Variants in GALM observed in about 807,000 individuals in gnomAD.
The protein encoded by GALM is galactose mutarotase, also known as aldose 1-epimerase.
A neutral mutation model predicts 37.4 loss-of-function variants in GALM; 43 were observed. The observed-to-expected ratio is 1.15, with a 90% CI of 0.90 to 1.48. The LOEUF (loss-of-function observed/expected upper bound fraction) is 1.48, where lower values mean the gene tolerates loss of function less well. Among genes scored for constraint, GALM ranks in the 40% most tolerant of loss-of-function variants. The probability of loss-of-function intolerance (pLI) is 0.00; values close to 1 mark genes in which losing one functional copy is unlikely to be tolerated. For synonymous variants in GALM, 199 were observed against 170.6 expected (o/e 1.17, Z -1.30); for missense variants, 456 against 419.1 (o/e 1.09, Z -0.77).
rs1165362187 is a variant in GALM, at chr2:38,734,705, A to AG, written c.*1140_*1141insG. 1 of 151,630 alleles carries AG rather than the reference A, an allele frequency of 6.6e-6. No individual in the cohort carries two copies. Among genetic ancestry groups the AG allele is most frequent in the Non-Finnish European group, 1.5e-5 (1 of 67,938 alleles). 9.4% of individuals were successfully genotyped at this position (151,630 alleles called of 1,614,324 possible). A position where few individuals can be genotyped will look rare whatever the true frequency, so the allele number is the denominator to read the frequency against. ...TGGTGATTTTGAAAAAAAAAAAAAA[A>AG]AGTATGTTATACTAGTGTATGCTGT... On this transcript the variant is annotated 3_prime_UTR_variant, in exon 7 of 7. Coordinates refer to ENST00000272252, the MANE Select transcript of GALM (RefSeq NM_138801.3).
chr2:38,692,881 G>A (rs539530119), intron 4 of GALM, among the ~76,000 whole-genome samples: 11 of 152,322 alleles, frequency 7.2e-5, no homozygotes, highest in Non-Finnish European at 1.5e-4. Flanking sequence ...AGCGTGGGCG[G>A]TGCAAGAAAT....
At chr2:38,703,474 G>A (rs913977203) in intron 4 of GALM, among the ~76,000 whole-genome samples, 10 of 151,958 alleles carry the variant, frequency 6.6e-5, no homozygotes, top group East Asian at 1.9e-4. Context: ...ATAGGTCTCC[G>A]TTCTGCCATC....
chr2:38,668,050 A>G (rs1036674130), intron 1 of GALM, among the ~76,000 whole-genome samples: 1 of 152,186 alleles, frequency 6.6e-6, no homozygotes, highest in African/African-American at 2.4e-5. Flanking sequence ...GTCCAATCAT[A>G]TTTCTACATG....
At chr2:38,700,714 G>A (rs1253747417) in intron 4 of GALM, among the ~76,000 whole-genome samples, 2 of 152,062 alleles carry the variant, frequency 1.3e-5, no homozygotes, top group Non-Finnish European at 2.9e-5. Flanking sequence ...AGTTTAATAA[G>A]TTTACATTCA....
At chr2:38,707,370 A>G (rs117547570) in intron 4 of GALM, among the ~76,000 whole-genome samples, 1 of 152,182 alleles carries the variant, frequency 6.6e-6, no homozygotes, top group Non-Finnish European at 1.5e-5. Context: ...ACTCTAGGAA[A>G]CAACCACCAA....
At position 38,666,192 on chromosome 2, in the gene GALM, G is replaced by C. The variant is rs569393907; in HGVS notation, c.31G>C (p.Glu11Gln). 3 of 1,613,784 alleles carry C rather than the reference G, an allele frequency of 1.9e-6. No homozygotes were observed. The East Asian group carries it at 6.7e-5, about 36-fold the overall frequency. The change falls in exon 1 of 7, where the codon GAG becomes CAG. Residue 11 changes from glutamate (E) to glutamine (Q), a missense_variant. Physicochemically the swap from Glu to Gln is conservative, Grantham distance 29. Transcript: ENST00000272252. MASVTRAVFGELPSGGGTVEK... is the reference protein window; with the variant it reads MASVTRAVFGQLPSGGGTVEK... The stretch of plus-strand genomic sequence containing the variant: ...TTCGGTGACCAGGGCCGTGTTTGGA[G>C]AGCTGCCCTCGGGAGGAGGGACAGT...
intron 4 of GALM, among the ~76,000 whole-genome samples, chr2:38,693,633 A>G (rs887626908): frequency 6.6e-6 from 1 of 152,210 alleles, no homozygotes; most frequent in Admixed American, 6.6e-5. Context: ...GATAAGGTGA[A>G]GCTTTATGAT....
Position 38,731,795 on chromosome 2 carries a change from G to C in GALM, c.837G>C (p.Gln279His). Reference sequence around the variant, plus strand: ...TATACACCACCCAGCCCGGGGTCCAGTTTTACACGGGCAACTTCCTGGATG... The same window carrying C: ...TATACACCACCCAGCCCGGGGTCCACTTTTACACGGGCAACTTCCTGGATG... ...LEVYTTQPGVQFYTGNFLDGT... is the reference protein window; with the variant it reads ...LEVYTTQPGVHFYTGNFLDGT... Residue 279 changes from glutamine (Q) to histidine (H), a missense_variant, in exon 6 of 7, where the codon CAG (glutamine) becomes CAC (histidine). Coordinates refer to ENST00000272252, the MANE Select transcript of GALM (RefSeq NM_138801.3). 6.2e-7 allele frequency: 1 copy of C among 1,614,022 alleles called. No individual in the cohort carries two copies. The highest frequency in any genetic ancestry group is 1.3e-5 in the African/African-American group (1 of 75,028).
intron 4 of GALM, among the ~76,000 whole-genome samples, chr2:38,729,232 T>C (rs895236355): frequency 7.2e-5 from 11 of 152,166 alleles, no homozygotes; most frequent in Middle Eastern, 6.8e-3. Flanking sequence ...CTGTTACCTA[T>C]GCTGGAGTGC....
chr2:38,731,856 A>T lies in GALM; in HGVS notation c.898A>T (p.Lys300Ter). The change falls in exon 6 of 7, where the codon AAG becomes TAG. Residue 300 changes from lysine to a stop codon, truncating the protein, a stop_gained. Coordinates refer to ENST00000272252, the MANE Select transcript of GALM (RefSeq NM_138801.3). LOFTEE classifies it high-confidence loss of function. ...LKGKNGAVYP[K>*]HSGFCLETQN... Reference sequence around the variant, plus strand: ...GGGCAAGAATGGAGCTGTCTATCCCAAGCACTCCGGTTTCTGCCTGGAGAC... The same window carrying T: ...GGGCAAGAATGGAGCTGTCTATCCCTAGCACTCCGGTTTCTGCCTGGAGAC... 6.2e-7 allele frequency: 1 copy of T among 1,614,062 alleles called. No individual in the cohort carries two copies. Among genetic ancestry groups the T allele is most frequent in the Non-Finnish European group, 8.5e-7 (1 of 1,179,984 alleles).
chr2:38,710,964 G>A (rs115176831), intron 4 of GALM, among the ~76,000 whole-genome samples: 2,712 of 151,822 alleles, frequency 0.018, 84 homozygotes, highest in African/African-American at 0.061. Context: ...ATCTTGACCA[G>A]GCTGGTCTTG....
intron 4 of GALM, among the ~76,000 whole-genome samples, chr2:38,727,204 A>G (rs1360599093): frequency 6.8e-6 from 1 of 146,086 alleles, no homozygotes; most frequent in African/African-American, 2.6e-5. Context: ...CGACAGAGTG[A>G]GACTCCGTCT....
chr2:38,719,721 C>T (rs1666338279), intron 4 of GALM, among the ~76,000 whole-genome samples: 1 of 149,446 alleles, frequency 6.7e-6, no homozygotes, highest in South Asian at 2.2e-4. Flanking sequence ...TTGCCGTGAG[C>T]CGAGATCACG....
intron 3 of GALM, among the ~76,000 whole-genome samples, chr2:38,684,741 A>T (rs1005250291): frequency 6.6e-6 from 1 of 152,196 alleles, no homozygotes; most frequent in Admixed American, 6.5e-5. Context: ...CAGGAGACGG[A>T]GGTTGCAGTG....
intron 1 of GALM, among the ~76,000 whole-genome samples, chr2:38,672,170 C>T (rs1665123053): frequency 6.6e-6 from 1 of 152,122 alleles, no homozygotes; most frequent in African/African-American, 2.4e-5. Flanking sequence ...TGGTAGGAGC[C>T]CTGCTGTTGG....
At chr2:38,724,900 T>C (rs915480613) in intron 4 of GALM, among the ~76,000 whole-genome samples, 5 of 152,222 alleles carry the variant, frequency 3.3e-5, no homozygotes, top group African/African-American at 9.6e-5. Flanking sequence ...CAAACACTGA[T>C]TTGTAGATTG....
chr2:38,674,046 G>C (rs974453468), intron 1 of GALM, among the ~76,000 whole-genome samples: 3 of 152,078 alleles, frequency 2.0e-5, no homozygotes, highest in Non-Finnish European at 4.4e-5. Context: ...GTGCCAGACT[G>C]TTAATAGTGG....
chr2:38,678,038 C>T (rs1301470864), intron 2 of GALM, among the ~76,000 whole-genome samples: 1 of 134,198 alleles, frequency 7.5e-6, no homozygotes. Flanking sequence ...TTTTTTGAGG[C>T]AGAGTTTTGC....
At position 38,706,069 on chromosome 2, in the gene GALM, G is replaced by T. The variant is rs111393796; in HGVS notation, c.634+16175G>T. On this transcript the variant is annotated intron_variant, in intron 4 of 6. Transcript: ENST00000272252. Reference sequence around the variant, plus strand: ...TGCCCAAGCTGGAGTGCAGTGACACGATTTTGGCTCACTGCAACCTCCGCC... The same window carrying T: ...TGCCCAAGCTGGAGTGCAGTGACACTATTTTGGCTCACTGCAACCTCCGCC... 4.0e-5 allele frequency among the ~76,000 whole-genome samples: 6 copies of T among 151,662 alleles called. No individual in the cohort carries two copies. The East Asian group carries it at 7.8e-4, about 20-fold the overall frequency.
Sources: allele counts gnomAD v4.1 joint callset (sites outside exome capture counted in the v4.1 genomes callset), GRCh38; gene constraint gnomAD v4.1.1; transcripts MANE v1.5; gene names NCBI Gene and HGNC (gene_info 2026-07-23, HGNC 2026-07-21).